CLEC9A: variants seen among roughly 807,000 people sequenced by gnomAD.
CLEC9A encodes the protein C-type lectin domain family 9 member A.
Under a neutral mutation model 30.0 loss-of-function variants are expected in CLEC9A, and 24 were observed. The observed-to-expected ratio is 0.80, with a 90% CI of 0.58 to 1.13. The LOEUF is 1.13. Among genes scored for constraint, CLEC9A ranks in the 50% most tolerant of loss-of-function variants. CLEC9A has a pLI of 0.00. For synonymous variants in CLEC9A, 111 were observed against 96.8 expected (o/e 1.15, Z -0.86); for missense variants, 251 against 280.9 (o/e 0.89, Z 0.76).
chr12:10,056,013 T>C (rs540484804), intron 5 of CLEC9A, among the ~76,000 whole-genome samples: 2 of 132,348 alleles, frequency 1.5e-5, no homozygotes, highest in African/African-American at 5.7e-5. Flanking sequence ...GAGCCAAGAT[T>C]GTACCACTGC....
chr12:10,054,855 A>C (rs1865925866), intron 5 of CLEC9A, among the ~76,000 whole-genome samples: 1 of 152,220 alleles, frequency 6.6e-6, no homozygotes. Context: ...ATTTTTATAA[A>C]ATATAATAAT....
rs537810987 is a variant in CLEC9A at position 10,036,577 on chromosome 12, T to A, written c.-317-4889T>A. Among the ~76,000 whole-genome samples the A allele has an allele frequency of 1.1e-4, 17 of 152,334 alleles. No individual in the cohort carries two copies. In the South Asian group the frequency reaches 3.5e-3, roughly 32 times the overall value. ...AGTCAACATCTTATTGCCCTTCTCT[T>A]CTACACATCCACAGGCCATCCCTGT... is the stretch of plus-strand genomic sequence containing the variant. On this transcript the variant is annotated intron_variant, in intron 1 of 8. Coordinates refer to ENST00000355819, the MANE Select transcript of CLEC9A (RefSeq NM_207345.4).
At chr12:10,042,446 A>G (rs1865805743) in intron 2 of CLEC9A, among the ~76,000 whole-genome samples, 1 of 152,164 alleles carries the variant, frequency 6.6e-6, no homozygotes, top group African/African-American at 2.4e-5. Flanking sequence ...GTATATAAAC[A>G]TTTGTCCTCC....
chr12:10,059,065 C>T (rs1285956931), intron 5 of CLEC9A, among the ~76,000 whole-genome samples: 4 of 152,046 alleles, frequency 2.6e-5, no homozygotes, highest in Admixed American at 2.6e-4. Context: ...GCCATTCTCT[C>T]TATACAATAT....
chr12:10,061,218 C>T lies in CLEC9A; in HGVS notation c.264C>T (p.Ser88=), dbSNP rs1450592921. 2 of 1,611,942 alleles carry T rather than the reference C, an allele frequency of 1.2e-6. No homozygotes were observed. The highest frequency in any genetic ancestry group is 2.2e-5 in the South Asian group (2 of 90,568). Reference sequence around the variant, plus strand: ...TAAACTTTACAGAATGGAAGAGAAGCTGTGCCCTTCAGATGAAATATTGCC... The same window carrying T: ...TAAACTTTACAGAATGGAAGAGAAGTTGTGCCCTTCAGATGAAATATTGCC... ...ALLNFTEWKR[S]CALQMKYCQA... is the part of the protein sequence containing the mutation. Residue 88 remains serine (S), a synonymous_variant, in exon 6 of 9, where the codon AGC becomes AGT. Coordinates refer to ENST00000355819, the MANE Select transcript of CLEC9A (RefSeq NM_207345.4).
At position 10,061,263 on chromosome 12, in the gene CLEC9A, A is replaced by T. The variant is rs779104745; in HGVS notation, c.309A>T (p.Ser103=). 3.1e-6 allele frequency: 5 copies of T among 1,609,388 alleles called. No homozygotes were observed. The highest frequency in any genetic ancestry group is 1.6e-4 in the Middle Eastern group (1 of 6,068). ...ATTGCCAAGCCTTCATGCAAAACTCATTAAGTTCAGGTAATGGATAAAAAT... is the reference window on the plus strand; with the variant it reads ...ATTGCCAAGCCTTCATGCAAAACTCTTTAAGTTCAGGTAATGGATAAAAAT... ...MKYCQAFMQN[S]LSSAHNSSPC... The change falls in exon 6 of 9, where the codon TCA becomes TCT. Residue 103 remains serine, a synonymous_variant. Coordinates refer to ENST00000355819, the MANE Select transcript of CLEC9A (RefSeq NM_207345.4).
chr12:10,045,699 C>A, intron 2 of CLEC9A: 1 of 223,274 alleles, frequency 4.5e-6, no homozygotes, highest in South Asian at 8.2e-5. Flanking sequence ...ATGAAGAAAT[C>A]AATAGCCATA....
intron 2 of CLEC9A, among the ~76,000 whole-genome samples, chr12:10,048,101 C>T (rs918717532): frequency 1.5e-5 from 2 of 129,454 alleles, no homozygotes; most frequent in Non-Finnish European, 3.7e-5. Context: ...GGCGCGGTGG[C>T]GGGCGCCTGT....
intron 6 of CLEC9A, 46 bp downstream of exon 6, chr12:10,061,319 C>CAGTGGA: frequency 1.3e-6 from 2 of 1,510,080 alleles, no homozygotes; most frequent in African/African-American, 1.4e-5. Context: ...TAAATATATA[C>CAGTGGA]ACCAATACCT....
intron 2 of CLEC9A, chr12:10,045,698 T>C (rs181505363): frequency 6.5e-4 from 146 of 223,614 alleles, no homozygotes; most frequent in Non-Finnish European, 1.2e-3. Context: ...AATGAAGAAA[T>C]CAATAGCCAT....
At chr12:10,054,083 A>G (rs972374242) in intron 4 of CLEC9A, among the ~76,000 whole-genome samples, 188 bp from the exon 5 acceptor site, 1 of 152,210 alleles carries the variant, frequency 6.6e-6, no homozygotes, top group African/African-American at 2.4e-5. Flanking sequence ...CCAAGTTATG[A>G]GTTGTATTTC....
At chr12:10,038,650 A>G (rs549581819) in intron 1 of CLEC9A, among the ~76,000 whole-genome samples, 116 of 152,364 alleles carry the variant, frequency 7.6e-4, no homozygotes, top group Middle Eastern at 3.4e-3. Flanking sequence ...AGCTACTCTA[A>G]TGGCAAAATA....
At chr12:10,034,398 GC>G (rs1865726473) in intron 1 of CLEC9A, among the ~76,000 whole-genome samples, 1 of 152,218 alleles carries the variant, frequency 6.6e-6, no homozygotes, top group Admixed American at 6.5e-5. Context: ...ACCAGGGTCT[GC>G]CTCCAGCCTG....
Position 10,065,512 on chromosome 12 carries a change from G to T in CLEC9A, c.606G>T (p.Glu202Asp). The T allele has an allele frequency of 6.2e-7, 1 of 1,613,742 alleles. No individual in the cohort carries two copies. The highest frequency in any genetic ancestry group is 8.5e-7 in the Non-Finnish European group (1 of 1,179,788). ...SSPSPGLLPA[E>D]RSQSANQVCG... ...CTTGCTTTTCCAGGTTGCCAGCAGA[G>T]AGATCCCAGTCAGCTAACCAAGTCT... is the stretch of plus-strand genomic sequence containing the variant. The change falls in exon 9 of 9, where the codon GAG becomes GAT. Residue 202 changes from glutamate (E) to aspartate (D), a missense_variant. Physicochemically the swap from Glu to Asp is conservative, Grantham distance 45. Coordinates refer to ENST00000355819, the MANE Select transcript of CLEC9A (RefSeq NM_207345.4).
chr12:10,044,284 T>C (rs1225079508), intron 2 of CLEC9A, among the ~76,000 whole-genome samples: 2 of 152,296 alleles, frequency 1.3e-5, no homozygotes, highest in African/African-American at 4.8e-5. Flanking sequence ...AAAACTGCAG[T>C]CTCTCTCCAA....
Position 10,061,214 on chromosome 12 carries a change from G to T in CLEC9A, c.260G>T (p.Arg87Ile), listed in dbSNP as rs764980050. The change falls in exon 6 of 9, where the codon AGA (arginine) becomes ATA (isoleucine). Residue 87 changes from arginine to isoleucine, a missense_variant. Coordinates refer to ENST00000355819, the MANE Select transcript of CLEC9A (RefSeq NM_207345.4). ...RALLNFTEWKRSCALQMKYCQ... is the reference protein window; with the variant it reads ...RALLNFTEWKISCALQMKYCQ... ...CTGCTAAACTTTACAGAATGGAAGA[G>T]AAGCTGTGCCCTTCAGATGAAATAT... 1.2e-6 allele frequency: 2 copies of T among 1,612,174 alleles called. No individual in the cohort carries two copies. Among genetic ancestry groups the T allele is most frequent in the Non-Finnish European group, 1.7e-6 (2 of 1,179,380 alleles).
At chr12:10,064,478 G>A (rs1003489066) in intron 7 of CLEC9A, among the ~76,000 whole-genome samples, 2 of 151,994 alleles carry the variant, frequency 1.3e-5, no homozygotes, top group African/African-American at 4.8e-5. Context: ...TACCTGCCAG[G>A]CTCTGAATCT....
intron 1 of CLEC9A, among the ~76,000 whole-genome samples, chr12:10,037,865 C>A (rs118115181): frequency 6.6e-6 from 1 of 151,710 alleles, no homozygotes; most frequent in Non-Finnish European, 1.5e-5. Flanking sequence ...TAGTGATCAG[C>A]GTTATGGAAA....
chr12:10,064,883 A>G (rs546890519), intron 8 of CLEC9A, 30 bp downstream of exon 8: 2 of 1,597,670 alleles, frequency 1.3e-6, no homozygotes, highest in African/African-American at 2.7e-5. Context: ...GCTACAAGAA[A>G]AGTTAGAAAC....
Sources: gnomAD v4.1 joint callset for allele counts (sites outside exome capture counted in the v4.1 genomes callset) on GRCh38, gnomAD v4.1.1 for gene constraint, MANE v1.5 for transcripts, NCBI Gene and HGNC (gene_info 2026-07-23, HGNC 2026-07-21) for gene names.